Variants in EPB41L5 observed in about 807,000 individuals in gnomAD.
EPB41L5 encodes band 4.1-like protein 5.
A neutral mutation model predicts 106.6 loss-of-function variants in EPB41L5; 55 were observed. The observed-to-expected ratio is 0.52, with a 90% CI of 0.42 to 0.65. EPB41L5 has a LOEUF of 0.65. EPB41L5 is among the 30% of genes least tolerant of loss of function. The pLI is 0.00. For synonymous variants in EPB41L5, 297 were observed against 306.7 expected (o/e 0.97, Z 0.33); for missense variants, 871 against 882.1 (o/e 0.99, Z 0.16).
At chr2:120,167,081 C>A (rs1242433069) in intron 22 of EPB41L5, among the ~76,000 whole-genome samples, 1 of 152,166 alleles carries the variant, frequency 6.6e-6, no homozygotes, top group Non-Finnish European at 1.5e-5. Context: ...ATCCATTGTT[C>A]AGGCTGCTAC....
rs760710287 is a variant in EPB41L5, at chr2:120,074,169, A to C, written c.398A>C (p.Glu133Ala). 6.0e-5 allele frequency: 97 copies of C among 1,610,832 alleles called. No individual in the cohort carries two copies. The highest frequency in any genetic ancestry group is 8.1e-5 in the Non-Finnish European group (96 of 1,177,982). The change falls in exon 5 of 25, where the codon GAG becomes GCG. Residue 133 changes from glutamate to alanine, a missense_variant. Glu to Ala is a moderately radical substitution (Grantham distance 107). Transcript: ENST00000263713. ...YSSEPNNLREELTRYLFVLQL... is the reference protein window; with the variant it reads ...YSSEPNNLREALTRYLFVLQL... ...TCAGAACCAAATAACCTTCGTGAGG[A>C]GCTAACCCGGTAAGAACACCATCTA...
chr2:120,104,581 C>T (rs1254211760), intron 16 of EPB41L5: 2 of 1,000,218 alleles, frequency 2.0e-6, no homozygotes, highest in East Asian at 1.0e-4. Flanking sequence ...TATTCCCCCA[C>T]CACATGCCAT....
At chr2:120,024,646 A>G (rs895327424) in intron 2 of EPB41L5, among the ~76,000 whole-genome samples, 1 of 151,956 alleles carries the variant, frequency 6.6e-6, no homozygotes, top group African/African-American at 2.4e-5. Flanking sequence ...ATTTTAGTAG[A>G]GATGGGGTTT....
At chr2:120,154,102 T>C (rs1686798452) in intron 20 of EPB41L5, among the ~76,000 whole-genome samples, 1 of 152,010 alleles carries the variant, frequency 6.6e-6, no homozygotes. Context: ...AACGTTTTTT[T>C]TTTTCATGAG....
At chr2:120,085,077 T>C (rs961721338) in intron 10 of EPB41L5, among the ~76,000 whole-genome samples, 1 of 152,192 alleles carries the variant, frequency 6.6e-6, no homozygotes. Context: ...TCGAACTTCC[T>C]CCTTTAGCTC....
chr2:120,139,649 A>T lies in EPB41L5; in HGVS notation c.1600-3354A>T, dbSNP rs181187755. 5.8e-4 allele frequency among the ~76,000 whole-genome samples: 88 copies of T among 152,260 alleles called. 1 individual carries two copies. Among genetic ancestry groups the T allele is most frequent in the African/African-American group, 2.0e-3 (84 of 41,566 alleles). On this transcript the variant is annotated intron_variant, in intron 18 of 24. Coordinates refer to ENST00000263713, the MANE Select transcript of EPB41L5 (RefSeq NM_020909.4). Reference sequence around the variant, plus strand: ...TGAGATATCATCTCACCCCAGTTATAATGGCTTTTATCCAAAAGACAGGCA... The same window carrying T: ...TGAGATATCATCTCACCCCAGTTATTATGGCTTTTATCCAAAAGACAGGCA...
At chr2:120,146,613 T>G (rs1686417027) in intron 20 of EPB41L5, among the ~76,000 whole-genome samples, 3 of 152,250 alleles carry the variant, frequency 2.0e-5, no homozygotes, top group Non-Finnish European at 4.4e-5. Context: ...GTCATCCTGT[T>G]ATCACAATGG....
intron 3 of EPB41L5, among the ~76,000 whole-genome samples, chr2:120,056,580 T>C (rs1680668618): frequency 6.6e-6 from 1 of 152,124 alleles, no homozygotes; most frequent in South Asian, 2.1e-4. Context: ...ATTACAGGTG[T>C]GAGCCACCAC....
chr2:120,020,902 A>G (rs972307960), intron 2 of EPB41L5, among the ~76,000 whole-genome samples: 2 of 152,144 alleles, frequency 1.3e-5, no homozygotes, highest in African/African-American at 4.8e-5. Context: ...ACAAATGGCT[A>G]GTTACTGATC....
At position 120,125,206 on chromosome 2, in the gene EPB41L5, T is replaced by G. The variant is rs191826910; in HGVS notation, c.1338-2482T>G. ...TTTATTGTCAGCATAGACTCATGTA[T>G]TTTTTCAGTGTGTTATTATCTGTTT... On this transcript the variant is annotated intron_variant, in intron 16 of 24. Transcript: ENST00000263713. 2.5e-3 allele frequency among the ~76,000 whole-genome samples: 382 copies of G among 152,326 alleles called. 2 individuals carry two copies. The highest frequency in any genetic ancestry group is 3.9e-3 in the Non-Finnish European group (263 of 68,020).
At chr2:120,115,624 T>G (rs1413087024) in intron 16 of EPB41L5, among the ~76,000 whole-genome samples, 2 of 151,994 alleles carry the variant, frequency 1.3e-5, no homozygotes, top group Admixed American at 1.3e-4. Context: ...ACTCCTGACC[T>G]TGTGATCCGC....
chr2:120,096,662 C>A (rs143950017), intron 14 of EPB41L5, among the ~76,000 whole-genome samples: 1 of 151,980 alleles, frequency 6.6e-6, no homozygotes, highest in Non-Finnish European at 1.5e-5. Flanking sequence ...TGGTGGTGCG[C>A]GCCTGTAATC....
chr2:120,152,903 T>C (rs189247038), intron 20 of EPB41L5, among the ~76,000 whole-genome samples: 81 of 152,378 alleles, frequency 5.3e-4, no homozygotes, highest in Non-Finnish European at 7.1e-4. Flanking sequence ...TAGTATTTTC[T>C]TCAAATCCTT....
chr2:120,051,639 C>T (rs1463539581), intron 3 of EPB41L5, among the ~76,000 whole-genome samples: 2 of 152,336 alleles, frequency 1.3e-5, no homozygotes, highest in East Asian at 3.9e-4. Context: ...ACTCCTTGCG[C>T]TTCCCGGGTG....
intron 16 of EPB41L5, among the ~76,000 whole-genome samples, chr2:120,112,253 AC>A (rs1443251432): frequency 6.6e-6 from 1 of 152,224 alleles, no homozygotes; most frequent in African/African-American, 2.4e-5. Context: ...TTTTTGACTT[AC>A]GATGGGTTTC....
chr2:120,100,486 A>T (rs1222078023), intron 15 of EPB41L5, among the ~76,000 whole-genome samples, 200 bp downstream of exon 15: 1 of 152,210 alleles, frequency 6.6e-6, no homozygotes. Context: ...CCGGTGCTCT[A>T]TAAAACATTT....
chr2:120,022,793 C>G (rs10183236), intron 2 of EPB41L5, among the ~76,000 whole-genome samples: 1 of 152,154 alleles, frequency 6.6e-6, no homozygotes, highest in Non-Finnish European at 1.5e-5. Flanking sequence ...ATTTACACTC[C>G]CACTAACAGT....
chr2:120,075,789 T>C (rs764719578), intron 7 of EPB41L5, 36 bp downstream of exon 7: 27 of 1,517,934 alleles, frequency 1.8e-5, no homozygotes. Context: ...AAGACTCAAG[T>C]ATAATCTTTT....
Position 120,163,595 on chromosome 2 carries a change from T to G in EPB41L5, c.1888-1241T>G, listed in dbSNP as rs545623906. On this transcript the variant is annotated intron_variant, in intron 21 of 24. Coordinates refer to ENST00000263713, the MANE Select transcript of EPB41L5 (RefSeq NM_020909.4). ...CCTGTGCTGAACCTGTTACTGGTTT[T>G]TTTTTTTTTTTTTTAAGTTCAAAGT... Among the ~76,000 whole-genome samples, 1,149 of 151,068 alleles carry G rather than the reference T, an allele frequency of 7.6e-3. 12 individuals are homozygous for G. The highest frequency in any genetic ancestry group is 0.026 in the African/African-American group (1,088 of 41,230).
Sources: gnomAD v4.1 joint callset for allele counts (sites outside exome capture counted in the v4.1 genomes callset) on GRCh38, gnomAD v4.1.1 for gene constraint, MANE v1.5 for transcripts, NCBI Gene and HGNC (gene_info 2026-07-23, HGNC 2026-07-21) for gene names.